The following GOT1 variants were observed in gnomAD, a reference collection of about 807,000 sequenced individuals.
GOT1 encodes glutamic-oxaloacetic transaminase 1, also known as aspartate aminotransferase, cytoplasmic.
GOT1 carries 25 observed loss-of-function variants against 48.2 expected under a neutral mutation model. The observed-to-expected ratio is 0.52, with a 90% CI of 0.38 to 0.72. The LOEUF (loss-of-function observed/expected upper bound fraction) is 0.72. Among genes scored for constraint, GOT1 ranks in the 30% least tolerant of loss-of-function variants. The pLI is 0.00. For synonymous variants in GOT1, 188 were observed against 193.8 expected (o/e 0.97, Z 0.25); for missense variants, 380 against 520.1 (o/e 0.73, Z 2.62).
intron 2 of GOT1, among the ~76,000 whole-genome samples, chr10:99,408,392 T>C (rs2032788609): frequency 6.6e-6 from 1 of 152,136 alleles, no homozygotes; most frequent in African/African-American, 2.4e-5. Context: ...GTCTAAAGGA[T>C]TGAAGAGAAA....
Position 99,420,682 on chromosome 10 carries a change from C to T in GOT1, c.242G>A (p.Arg81Gln), listed in dbSNP as rs778843899. 44 of 1,613,902 alleles carry T rather than the reference C, an allele frequency of 2.7e-5. No homozygotes were observed. Among genetic ancestry groups the T allele is most frequent in the Middle Eastern group, 1.6e-4 (1 of 6,084 alleles). ...AAGGGCAAGACGAGAAGCACAGCTC[C>T]GGAACTCAGCCAGGCCCAGGATTGG... ...YLPILGLAEF[R>Q]SCASRLALGD... The change falls in exon 2 of 9, where the codon CGG (arginine) becomes CAG (glutamine). Residue 81 changes from arginine to glutamine, a missense_variant. Coordinates refer to ENST00000370508, the MANE Select transcript of GOT1 (RefSeq NM_002079.3).
chr10:99,405,993 C>T, intron 4 of GOT1, 133 bp from the exon 5 acceptor site: 1 of 800,978 alleles, frequency 1.2e-6, no homozygotes, highest in Non-Finnish European at 2.2e-6. Flanking sequence ...TCTTTTGTGC[C>T]CTCTCTCTTA....
chr10:99,424,321 G>A (rs928552341), intron 1 of GOT1, among the ~76,000 whole-genome samples: 2 of 152,044 alleles, frequency 1.3e-5, no homozygotes, highest in South Asian at 2.1e-4. Context: ...TAAAACTTAC[G>A]GAGAACAATT....
chr10:99,415,660 T>C (rs1208348340), intron 2 of GOT1, among the ~76,000 whole-genome samples: 1 of 152,136 alleles, frequency 6.6e-6, no homozygotes, highest in African/African-American at 2.4e-5. Context: ...TTTAGACCAA[T>C]ATCCCTGATG....
chr10:99,405,172 G>GC (rs1457755605), intron 5 of GOT1, among the ~76,000 whole-genome samples: 2 of 152,150 alleles, frequency 1.3e-5, no homozygotes, highest in Non-Finnish European at 2.9e-5. Context: ...CCAATACACA[G>GC]CAGTTCCTTA....
intron 1 of GOT1, among the ~76,000 whole-genome samples, chr10:99,424,614 A>G (rs2033014269): frequency 6.6e-6 from 1 of 152,220 alleles, no homozygotes; most frequent in Non-Finnish European, 1.5e-5. Flanking sequence ...AAAATATGAA[A>G]GAGAAAGAAA....
chr10:99,430,617 T>C lies in GOT1; in HGVS notation c.-52A>G. 1 of 1,481,284 alleles carries C rather than the reference T, an allele frequency of 6.8e-7. No homozygotes were observed. Among genetic ancestry groups the C allele is most frequent in the Non-Finnish European group, 9.2e-7 (1 of 1,087,086 alleles). The allele number at this position is 1,481,284 out of a possible 1,614,324, so 91.8% of individuals were successfully genotyped here. ...TCACCCCACGCCCGGAGCTGGCAGG[T>C]CAGGTCTGGCCGTTGCGACTGGAGG... On this transcript the variant is annotated 5_prime_UTR_variant, in exon 1 of 9. Coordinates refer to ENST00000370508, the MANE Select transcript of GOT1 (RefSeq NM_002079.3).
chr10:99,407,023 A>C (rs2032768411), intron 2 of GOT1, among the ~76,000 whole-genome samples, 174 bp from the exon 3 acceptor site: 1 of 152,244 alleles, frequency 6.6e-6, no homozygotes, highest in Non-Finnish European at 1.5e-5. Context: ...TGATTTGCCC[A>C]TGTTTACAAC....
In GOT1 at chr10:99,397,401, C is replaced by A. The variant is rs1261810552; in HGVS notation, c.*146G>T. The A allele has an allele frequency of 7.6e-6, 6 of 790,846 alleles. No homozygotes were observed. In the Admixed American group the frequency reaches 1.3e-4, roughly 17 times the overall value. 49.0% of individuals were successfully genotyped at this position (790,846 alleles called of 1,614,324 possible). On this transcript the variant is annotated 3_prime_UTR_variant, in exon 9 of 9. Coordinates refer to ENST00000370508, the MANE Select transcript of GOT1 (RefSeq NM_002079.3). The surrounding 1 kb of genome is among the most constrained non-coding windows in gnomAD (Gnocchi z 5.4). The stretch of plus-strand genomic sequence containing the variant: ...CAAGGGATGTTCTCTTCATGTGGGG[C>A]CGGTTTAAACAGAGGCTGCCTCACC...
chr10:99,409,455 T>C (rs2032804440), intron 2 of GOT1, among the ~76,000 whole-genome samples: 1 of 152,170 alleles, frequency 6.6e-6, no homozygotes, highest in South Asian at 2.1e-4. Context: ...AAAACTCTTC[T>C]TAGAGAAGAA....
At chr10:99,413,110 G>C (rs1297564512) in intron 2 of GOT1, among the ~76,000 whole-genome samples, 1 of 152,248 alleles carries the variant, frequency 6.6e-6, no homozygotes, top group Non-Finnish European at 1.5e-5. Flanking sequence ...GACGAGTTGA[G>C]AGAAGAAGGC....
chr10:99,411,777 T>C (rs1429985392), intron 2 of GOT1, among the ~76,000 whole-genome samples: 1 of 152,170 alleles, frequency 6.6e-6, no homozygotes, highest in Admixed American at 6.5e-5. Flanking sequence ...AGTGGGCATC[T>C]GATGACTAAA....
intron 8 of GOT1, among the ~76,000 whole-genome samples, chr10:99,398,124 A>G (rs1357553471): frequency 6.6e-6 from 1 of 152,116 alleles, no homozygotes; most frequent in African/African-American, 2.4e-5. Context: ...TTTACAATAC[A>G]TTGGGTAAGG....
intron 1 of GOT1, among the ~76,000 whole-genome samples, chr10:99,427,860 C>T (rs1270579922): frequency 6.6e-6 from 1 of 152,198 alleles, no homozygotes. Flanking sequence ...CTTCACCTCT[C>T]CAGTCTTCGG....
intron 2 of GOT1, 146 bp from the exon 3 acceptor site, chr10:99,406,995 T>A: frequency 2.8e-6 from 2 of 705,490 alleles, no homozygotes; most frequent in Admixed American, 5.4e-5. Flanking sequence ...TTACAACTAC[T>A]ACATGAAAAA....
intron 8 of GOT1, among the ~76,000 whole-genome samples, chr10:99,398,531 G>A (rs962037630): frequency 2.6e-5 from 4 of 152,058 alleles, no homozygotes; most frequent in Non-Finnish European, 4.4e-5. Flanking sequence ...TTAGCCAGGC[G>A]TGGTGGCATG....
At chr10:99,430,251 C>G in intron 1 of GOT1, 197 bp downstream of exon 1, 2 of 1,499,074 alleles carry the variant, frequency 1.3e-6, no homozygotes, top group Non-Finnish European at 1.8e-6. Flanking sequence ...ACACATCGCC[C>G]CTTTCCAGGG....
intron 2 of GOT1, among the ~76,000 whole-genome samples, chr10:99,414,251 C>A (rs574219412): frequency 2.3e-4 from 35 of 152,218 alleles, no homozygotes; most frequent in African/African-American, 8.2e-4. Context: ...GGAAGATCTA[C>A]CAAGCAAATG....
intron 7 of GOT1, 35 bp from the exon 8 acceptor site, chr10:99,402,757 G>A (rs878882920): frequency 3.8e-6 from 6 of 1,587,530 alleles, no homozygotes; most frequent in South Asian, 1.1e-5. Context: ...TACCAATCCA[G>A]ACAGGAAAGA....
Sources: gnomAD v4.1 joint callset for allele counts (sites outside exome capture counted in the v4.1 genomes callset) on GRCh38, gnomAD v4.1.1 for gene constraint, Gnocchi (gnomAD v3.1) non-coding constraint, MANE v1.5 for transcripts, NCBI Gene and HGNC (gene_info 2026-07-23, HGNC 2026-07-21) for gene names.